Variants in RAP1GAP2 observed in about 807,000 individuals in gnomAD.
RAP1GAP2 encodes the protein RAP1 GTPase activating protein 2.
A neutral mutation model predicts 95.0 loss-of-function variants in RAP1GAP2; 27 were observed. That is an observed-to-expected ratio of 0.28 (90% CI 0.21 to 0.39). RAP1GAP2 has a LOEUF of 0.39. Among genes scored for constraint, RAP1GAP2 ranks in the 10% least tolerant of loss-of-function variants. RAP1GAP2 has a pLI of 1.00. For missense variants in RAP1GAP2, 771 were observed against 970.0 expected (o/e 0.79, Z 2.72); for synonymous variants, 373 against 380.9 (o/e 0.98, Z 0.24).
rs919466206 is a variant in RAP1GAP2 at position 3,029,049 on chromosome 17, C to T, written c.2108-1873C>T. On this transcript the variant is annotated intron_variant, in intron 22 of 24. Transcript: ENST00000254695. This position sits in a 1 kb window ranked among gnomAD's most constrained non-coding sequence, Gnocchi z 4.4. ...TCCTGACCTCGTGATCCACCCACCT[C>T]GGCCTCCCAAAGTGCTGGGATTACA... 6.6e-6 allele frequency among the ~76,000 whole-genome samples: 1 copy of T among 152,174 alleles called. No homozygotes were observed. Among genetic ancestry groups the T allele is most frequent in the Non-Finnish European group, 1.5e-5 (1 of 68,038 alleles).
chr17:3,030,622 A>G (rs1004169540), intron 22 of RAP1GAP2, among the ~76,000 whole-genome samples: 1 of 152,252 alleles, frequency 6.6e-6, no homozygotes, highest in Non-Finnish European at 1.5e-5. Context: ...CGTAAAACAG[A>G]GAAAAATAAG....
chr17:2,846,736 T>C (rs927287316), intron 2 of RAP1GAP2, among the ~76,000 whole-genome samples: 4 of 152,184 alleles, frequency 2.6e-5, no homozygotes, highest in African/African-American at 9.7e-5. Flanking sequence ...GGTGAATTCC[T>C]AGTCCAAGGC....
intron 3 of RAP1GAP2, among the ~76,000 whole-genome samples, chr17:2,911,789 A>C (rs2042390833): frequency 6.6e-6 from 1 of 152,156 alleles, no homozygotes; most frequent in African/African-American, 2.4e-5. Context: ...AAACCTTCCC[A>C]GGCCCCGTGA....
intron 2 of RAP1GAP2, among the ~76,000 whole-genome samples, chr17:2,822,398 G>T (rs1332491201): frequency 6.6e-6 from 1 of 152,188 alleles, no homozygotes; most frequent in African/African-American, 2.4e-5. Flanking sequence ...GAGGCCAGAG[G>T]ATCACTTGAG....
At chr17:2,810,519 A>C (rs897939137) in intron 2 of RAP1GAP2, among the ~76,000 whole-genome samples, 3,986 of 54,706 alleles carry the variant, frequency 0.073, no homozygotes, top group Middle Eastern at 0.094. Context: ...CTGTCCCCCC[A>C]CCCTTTTTTT....
Position 3,008,262 on chromosome 17 carries a change from C to A in RAP1GAP2, c.1494+117C>A. 1 of 1,453,594 alleles carries A rather than the reference C, an allele frequency of 6.9e-7. No homozygotes were observed. The highest frequency in any genetic ancestry group is 9.4e-7 in the Non-Finnish European group (1 of 1,065,686). 90.0% of individuals were successfully genotyped at this position (1,453,594 alleles called of 1,614,324 possible). ...GCCCAAGGGCCAGCTGGAGGGGTGACAGGAAACGTATGGGTATCCTAGGTG... is the reference window on the plus strand; with the variant it reads ...GCCCAAGGGCCAGCTGGAGGGGTGAAAGGAAACGTATGGGTATCCTAGGTG... On this transcript the variant is annotated intron_variant, in intron 17 of 24. Coordinates refer to ENST00000254695, the MANE Select transcript of RAP1GAP2 (RefSeq NM_015085.5). The surrounding 1 kb of genome is among the most constrained non-coding windows in gnomAD (Gnocchi z 4.2).
chr17:2,913,099 G>T (rs1042228231), intron 3 of RAP1GAP2, among the ~76,000 whole-genome samples: 1 of 152,214 alleles, frequency 6.6e-6, no homozygotes, highest in Non-Finnish European at 1.5e-5. Flanking sequence ...GATGGATTGA[G>T]CCCAGGAGAT....
At chr17:3,000,484 G>A (rs28693479) in intron 14 of RAP1GAP2, among the ~76,000 whole-genome samples, 3,659 of 20,382 alleles carry the variant, frequency 0.18, 58 homozygotes, top group Middle Eastern at 0.36. Flanking sequence ...GGCTGAAGTG[G>A]GGCTCGTGGA....
At position 3,027,782 on chromosome 17, in the gene RAP1GAP2, AT is replaced by A. The variant is rs2047172931; in HGVS notation, c.2107+713del. ...TAGAGAGCAGGAGCAGAGGGGAGGG[AT>A]GGAGGGGAGGGGAGAGGAGGGGAGG... On this transcript the variant is annotated intron_variant, in intron 22 of 24. Transcript: ENST00000254695. The surrounding 1 kb of genome is among the most constrained non-coding windows in gnomAD (Gnocchi z 5.2). 1.7e-4 allele frequency among the ~76,000 whole-genome samples: 2 copies of A among 11,974 alleles called. No individual in the cohort carries two copies. Among genetic ancestry groups the A allele is most frequent in the Non-Finnish European group, 3.2e-4 (2 of 6,208 alleles). 7.9% of individuals were successfully genotyped at this position (11,974 alleles called of 152,430 possible).
At chr17:2,768,361 CTA>C (rs1567633893) in intron 1 of RAP1GAP2, among the ~76,000 whole-genome samples, 1 of 152,176 alleles carries the variant, frequency 6.6e-6, no homozygotes, top group Admixed American at 6.5e-5. Flanking sequence ...AGGGCAGGGA[CTA>C]TGTCAGTTTT....
At chr17:3,025,923 C>G (rs553307167) in intron 19 of RAP1GAP2, 85 bp from the exon 20 acceptor site, 4 of 1,020,514 alleles carry the variant, frequency 3.9e-6, no homozygotes, top group Non-Finnish European at 6.0e-6. Flanking sequence ...CTCACCGTGC[C>G]GAGAGAGGCT....
intron 17 of RAP1GAP2, among the ~76,000 whole-genome samples, chr17:3,017,162 C>T (rs551668913): frequency 6.6e-6 from 1 of 152,218 alleles, no homozygotes; most frequent in African/African-American, 2.4e-5. Context: ...GTTGTGCCTT[C>T]CCGGGTCCAT....
At chr17:2,989,632 C>T (rs2045685674) in intron 11 of RAP1GAP2, among the ~76,000 whole-genome samples, 3 of 151,744 alleles carry the variant, frequency 2.0e-5, no homozygotes, top group Non-Finnish European at 4.4e-5. Context: ...CGCGCCCGGC[C>T]GTTTTCATGT....
At chr17:2,784,913 C>G (rs2068738791) in intron 1 of RAP1GAP2, among the ~76,000 whole-genome samples, 1 of 152,192 alleles carries the variant, frequency 6.6e-6, no homozygotes, top group African/African-American at 2.4e-5. Flanking sequence ...CCATCTTTAT[C>G]CAGGAAAAAT....
At chr17:2,995,258 A>G (rs2045912084) in intron 12 of RAP1GAP2, 79 bp from the exon 13 acceptor site, 12 of 1,504,896 alleles carry the variant, frequency 8.0e-6, no homozygotes, top group Non-Finnish European at 1.0e-5. Context: ...TGCTGCGTAT[A>G]CTTAGGGGAG....
intron 1 of RAP1GAP2, among the ~76,000 whole-genome samples, chr17:2,769,842 G>A (rs570208430): frequency 6.0e-4 from 92 of 152,140 alleles, no homozygotes; most frequent in African/African-American, 2.1e-3. Context: ...GGAGGCCAAG[G>A]CGGGTGGATC....
rs542325010 is a variant in RAP1GAP2, at chr17:2,902,899, C to T, written c.81-2385C>T. 1.2e-4 allele frequency among the ~76,000 whole-genome samples: 18 copies of T among 152,314 alleles called. No homozygotes were observed. The highest frequency in any genetic ancestry group is 3.8e-4 in the African/African-American group (16 of 41,576). On this transcript the variant is annotated intron_variant, in intron 2 of 24. Transcript: ENST00000254695. The surrounding 1 kb of genome is among the most constrained non-coding windows in gnomAD (Gnocchi z 4.1). ...GCCTTGAACAATAATCATATGTGCCCTGGTGCCATGAGCGTGGACACCTTG... is the reference window on the plus strand; with the variant it reads ...GCCTTGAACAATAATCATATGTGCCTTGGTGCCATGAGCGTGGACACCTTG...
rs143581437 is a variant in RAP1GAP2, at chr17:2,874,036, A to C, written c.81-31248A>C. Among the ~76,000 whole-genome samples the C allele has an allele frequency of 9.2e-3, 1,402 of 152,062 alleles. 17 individuals are homozygous for C. The highest frequency in any genetic ancestry group is 0.032 in the African/African-American group (1,310 of 41,492). ...GGTGATCCACCCGTCTCAGCCTCCC[A>C]AAGTGCTGGGATTACAGGCATGAGC... On this transcript the variant is annotated intron_variant, in intron 2 of 24. Coordinates refer to ENST00000254695, the MANE Select transcript of RAP1GAP2 (RefSeq NM_015085.5).
In RAP1GAP2 at chr17:2,758,105, A is replaced by G. The variant is rs561421250; in HGVS notation, c.50+2338A>G. Among the ~76,000 whole-genome samples, 371 of 147,312 alleles carry G rather than the reference A, an allele frequency of 2.5e-3. 1 individual carries two copies. Among genetic ancestry groups the G allele is most frequent in the African/African-American group, 5.6e-3 (221 of 39,516 alleles). On this transcript the variant is annotated intron_variant, in intron 1 of 25. Coordinates refer to the RAP1GAP2 transcript ENST00000637138. ...CGGATGGTGTCGATCTCCTGACCTC[A>G]TGATCCGCCCGCCTTGGCCTCTCAA...
Sources: allele counts gnomAD v4.1 joint callset (sites outside exome capture counted in the v4.1 genomes callset), GRCh38; gene constraint gnomAD v4.1.1; non-coding constraint Gnocchi (gnomAD v3.1); transcripts MANE v1.5; gene names NCBI Gene and HGNC (gene_info 2026-07-23, HGNC 2026-07-21).